The following MYO5C variants were observed in gnomAD, a reference collection of about 807,000 sequenced individuals.
MYO5C encodes unconventional myosin-Vc.
A neutral mutation model predicts 235.7 loss-of-function variants in MYO5C; 194 were observed. That is an observed-to-expected ratio of 0.82 (90% CI 0.73 to 0.93). MYO5C has a LOEUF of 0.93. Among genes scored for constraint, MYO5C ranks in the 40% least tolerant of loss-of-function variants. The pLI, the probability that MYO5C is intolerant of heterozygous loss-of-function variation, is 0.00. For synonymous variants in MYO5C, 707 were observed against 754.8 expected, an observed-to-expected ratio of 0.94 and a Z score of 1.04; for missense variants, 2,038 against 2,127.2, an observed-to-expected ratio of 0.96 and a Z score of 0.82.
chr15:52,259,251 T>C (rs2036641337), intron 10 of MYO5C, among the ~76,000 whole-genome samples: 1 of 151,476 alleles, frequency 6.6e-6, no homozygotes, highest in Non-Finnish European at 1.5e-5. Flanking sequence ...AAACCCAGTC[T>C]CTACTAAAAA....
chr15:52,279,109 T>A, intron 3 of MYO5C, 92 bp from the exon 4 acceptor site: 1 of 1,340,356 alleles, frequency 7.5e-7, no homozygotes, highest in Non-Finnish European at 1.0e-6. Context: ...CTCTGTCGCT[T>A]ATTAAACCTT....
chr15:52,239,921 T>G, intron 20 of MYO5C, 42 bp from the exon 21 acceptor site: 1 of 1,578,662 alleles, frequency 6.3e-7, no homozygotes, highest in Non-Finnish European at 8.6e-7. Context: ...GGATCCCAAG[T>G]GCTTCTCTAA....
chr15:52,273,643 A>G (rs940959596), intron 5 of MYO5C, among the ~76,000 whole-genome samples: 4 of 152,216 alleles, frequency 2.6e-5, no homozygotes, highest in Admixed American at 1.3e-4. Flanking sequence ...AAGCCTCTCT[A>G]GAACCTGACC....
intron 4 of MYO5C, chr15:52,277,986 A>G (rs1196150892): frequency 4.4e-6 from 2 of 455,854 alleles, no homozygotes; most frequent in Non-Finnish European, 8.8e-6. Flanking sequence ...AGATTTAGGT[A>G]AAGAGTCAGC....
intron 8 of MYO5C, among the ~76,000 whole-genome samples, chr15:52,268,582 A>G (rs1403917834): frequency 6.6e-6 from 1 of 152,186 alleles, no homozygotes; most frequent in Admixed American, 6.5e-5. Context: ...AAAAGAAAGA[A>G]ATGGCCGATG....
At chr15:52,233,899 TAGCA>T (rs2036023753) in intron 23 of MYO5C, among the ~76,000 whole-genome samples, 1 of 152,190 alleles carries the variant, frequency 6.6e-6, no homozygotes, top group South Asian at 2.1e-4. Flanking sequence ...GCACCGTCGA[TAGCA>T]ATTCTCCAAA....
chr15:52,257,297 G>A (rs2036603760), intron 10 of MYO5C, among the ~76,000 whole-genome samples: 1 of 152,202 alleles, frequency 6.6e-6, no homozygotes, highest in African/African-American at 2.4e-5. Flanking sequence ...CCCCATCAGG[G>A]ACGAGACAGA....
At chr15:52,213,352 C>T in intron 33 of MYO5C, 66 bp from the exon 34 acceptor site, 1 of 1,118,062 alleles carries the variant, frequency 8.9e-7, no homozygotes, top group East Asian at 2.4e-5. Context: ...CACAATGTGA[C>T]TACTCTCCTA....
Position 52,282,901 on chromosome 15 carries a change from C to T in MYO5C, c.28-9G>A, listed in dbSNP as rs770053154. 1 of 1,580,050 alleles carries T rather than the reference C, an allele frequency of 6.3e-7. No homozygotes were observed. The highest frequency in any genetic ancestry group is 2.2e-5 in the East Asian group (1 of 44,736). On this transcript the variant is annotated splice_polypyrimidine_tract_variant and intron_variant, in intron 1 of 40. Coordinates refer to ENST00000261839, the MANE Select transcript of MYO5C (RefSeq NM_018728.4). ...ATCCAGACCCTGTTGTACTGACCAA[C>T]AGGATGAGAAAAGCTGAATTTCAGG...
At chr15:52,249,298 A>G (rs1429365908) in intron 13 of MYO5C, among the ~76,000 whole-genome samples, 1 of 152,140 alleles carries the variant, frequency 6.6e-6, no homozygotes, top group Non-Finnish European at 1.5e-5. Context: ...GCTTGAATCT[A>G]GCTTAGAAAA....
chr15:52,260,733 G>C, intron 10 of MYO5C, 129 bp downstream of exon 10: 1 of 1,055,916 alleles, frequency 9.5e-7, no homozygotes, highest in Non-Finnish European at 1.3e-6. Flanking sequence ...GCATCTATAG[G>C]GGCAAAAGCA....
rs1566982240 is a variant in MYO5C, at chr15:52,256,738, C to A, written c.1314-18G>T. 5.0e-6 allele frequency: 8 copies of A among 1,590,052 alleles called. No individual in the cohort carries two copies. The highest frequency in any genetic ancestry group is 6.9e-6 in the Non-Finnish European group (8 of 1,159,296). On this transcript the variant is annotated intron_variant, in intron 10 of 40. Transcript: ENST00000261839. ...TTTCAAAACTGAAATACAATTTAAA[C>A]AAGTTAAAATATAACCTGAAGCAAG...
In MYO5C at chr15:52,213,873, T is replaced by A. The variant is rs183999819; in HGVS notation, c.4043-587A>T. The stretch of plus-strand genomic sequence containing the variant: ...AGCACAGACCTGGGCCCTGCTCTCA[T>A]GGGGCAGACTGCCATTTGTCATTTA... On this transcript the variant is annotated intron_variant, in intron 33 of 40. Transcript: ENST00000261839. 4.6e-4 allele frequency among the ~76,000 whole-genome samples: 70 copies of A among 152,338 alleles called. 2 individuals carry two copies. Among genetic ancestry groups the A allele is most frequent in the African/African-American group, 1.5e-3 (64 of 41,584 alleles).
intron 9 of MYO5C, 44 bp downstream of exon 9, chr15:52,264,146 A>C: frequency 6.8e-7 from 1 of 1,464,576 alleles, no homozygotes; most frequent in Non-Finnish European, 9.5e-7. Flanking sequence ...CAGTTCCACT[A>C]TGACCCTTAG....
At chr15:52,287,210 T>C (rs1056787041) in intron 1 of MYO5C, among the ~76,000 whole-genome samples, 1 of 151,996 alleles carries the variant, frequency 6.6e-6, no homozygotes, top group African/African-American at 2.4e-5. Context: ...GATGTGTAAG[T>C]TTTGAGAGAA....
At chr15:52,223,450 A>T in intron 29 of MYO5C, 94 bp downstream of exon 29, 2 of 1,205,734 alleles carry the variant, frequency 1.7e-6, no homozygotes, top group East Asian at 2.4e-5. Flanking sequence ...ATTTATATCC[A>T]CTCTTTTACT....
intron 31 of MYO5C, among the ~76,000 whole-genome samples, chr15:52,219,121 C>T (rs1475163524): frequency 6.6e-6 from 1 of 152,214 alleles, no homozygotes; most frequent in African/African-American, 2.4e-5. Flanking sequence ...TTTTCCACTA[C>T]TTTGGGTCCT....
chr15:52,197,739 G>A (rs1446529713), intron 38 of MYO5C, among the ~76,000 whole-genome samples: 2 of 152,032 alleles, frequency 1.3e-5, no homozygotes, highest in African/African-American at 4.8e-5. Context: ...AGGTTCAAGC[G>A]ATTCTCCTGC....
Position 52,229,338 on chromosome 15 carries a change from T to C in MYO5C, c.3027-25A>G, listed in dbSNP as rs775900197. The C allele has an allele frequency of 1.9e-6, 3 of 1,550,144 alleles. No individual in the cohort carries two copies. In the South Asian group the frequency reaches 3.6e-5, roughly 19 times the overall value. On this transcript the variant is annotated intron_variant, in intron 24 of 40. Coordinates refer to ENST00000261839, the MANE Select transcript of MYO5C (RefSeq NM_018728.4). ...CCTACGCAGCAAAAGAAGAAAATAA[T>C]TTAGAGCTGAGCATGGTGGCTGAAA...
Sources: allele counts gnomAD v4.1 joint callset (sites outside exome capture counted in the v4.1 genomes callset), GRCh38; gene constraint gnomAD v4.1.1; transcripts MANE v1.5; gene names NCBI Gene and HGNC (gene_info 2026-07-23, HGNC 2026-07-21).